The following SCHIP1 variants were observed in gnomAD, a reference collection of about 807,000 sequenced individuals.
SCHIP1 encodes the protein schwannomin-interacting protein 1.
SCHIP1 carries 8 observed loss-of-function variants against 29.7 expected under a neutral mutation model. The observed-to-expected ratio is 0.27, with a 90% confidence interval of 0.16 to 0.49. The LOEUF is 0.49. SCHIP1 is among the 20% of genes least tolerant of loss of function. The pLI is 0.99. For synonymous variants in SCHIP1, 76 were observed against 94.9 expected, an observed-to-expected ratio of 0.80 and a Z score of 1.16; for missense variants, 193 against 294.6, an observed-to-expected ratio of 0.66 and a Z score of 2.52.
the SCHIP1 span, among the ~76,000 whole-genome samples, chr3:159,594,453 C>T: frequency 6.6e-6 from 1 of 152,124 alleles, no homozygotes; most frequent in Non-Finnish European, 1.5e-5. Context: ...GGACTCAGTC[C>T]ATTCCAGGTA....
chr3:159,334,507 AACC>A, the SCHIP1 span, among the ~76,000 whole-genome samples: 3 of 152,184 alleles, frequency 2.0e-5, no homozygotes, highest in Admixed American at 6.6e-5. Context: ...AGATTCAGGT[AACC>A]ACCACCACAA....
the SCHIP1 span, among the ~76,000 whole-genome samples, chr3:159,394,663 G>A: frequency 6.6e-6 from 1 of 152,082 alleles, no homozygotes; most frequent in Non-Finnish European, 1.5e-5. Context: ...CAGGGATGAA[G>A]CCCACTTGAT....
chr3:159,656,956 A>G, the SCHIP1 span, among the ~76,000 whole-genome samples: 1 of 151,884 alleles, frequency 6.6e-6, no homozygotes, highest in African/African-American at 2.4e-5. Context: ...CCCTCAAGTG[A>G]CATCCAGGGG....
At chr3:159,283,513 CTTT>C in the SCHIP1 span, among the ~76,000 whole-genome samples, 1 of 145,448 alleles carries the variant, frequency 6.9e-6, no homozygotes, top group Non-Finnish European at 1.5e-5. Flanking sequence ...GGATTATTTC[CTTT>C]TTTTTTTTTT....
the SCHIP1 span, among the ~76,000 whole-genome samples, chr3:159,457,157 G>A: frequency 6.6e-6 from 1 of 152,102 alleles, no homozygotes; most frequent in Non-Finnish European, 1.5e-5. Context: ...AATTCTGGAT[G>A]TGTTTACTGA....
chr3:159,313,097 A>G, the SCHIP1 span, among the ~76,000 whole-genome samples: 12 of 152,360 alleles, frequency 7.9e-5, no homozygotes, highest in African/African-American at 9.6e-5. Context: ...CTATGAAGCT[A>G]CTTAGTAAAA....
the SCHIP1 span, among the ~76,000 whole-genome samples, chr3:159,407,419 G>C: frequency 6.6e-6 from 1 of 152,058 alleles, no homozygotes; most frequent in Non-Finnish European, 1.5e-5. Flanking sequence ...GAGAGAGATG[G>C]GCCCCAGTAC....
chr3:159,857,456 C>A (rs1012212025), intron 1 of SCHIP1, among the ~76,000 whole-genome samples: 1 of 152,126 alleles, frequency 6.6e-6, no homozygotes, highest in Non-Finnish European at 1.5e-5. Context: ...ATATAATTCA[C>A]ATACATAAAA....
chr3:159,652,831 C>T, the SCHIP1 span, among the ~76,000 whole-genome samples: 7 of 152,138 alleles, frequency 4.6e-5, no homozygotes, highest in Non-Finnish European at 7.4e-5. Flanking sequence ...AAATTATTCT[C>T]ACTTCTTTAA....
At chr3:159,756,826 T>C in the SCHIP1 span, among the ~76,000 whole-genome samples, 2,141 of 152,242 alleles carry the variant, frequency 0.014, 21 homozygotes, top group Non-Finnish European at 0.023. Context: ...GTTCCACAGA[T>C]CTCTAGGGCA....
the SCHIP1 span, among the ~76,000 whole-genome samples, chr3:159,533,436 CCT>C: frequency 6.6e-6 from 1 of 152,054 alleles, no homozygotes; most frequent in Non-Finnish European, 1.5e-5. Context: ...GAAGGTGTTG[CCT>C]CTGAGTTTTA....
the SCHIP1 span, among the ~76,000 whole-genome samples, chr3:159,489,980 G>A: frequency 6.6e-6 from 1 of 152,090 alleles, no homozygotes; most frequent in East Asian, 1.9e-4. Flanking sequence ...GGAGAGAAGA[G>A]GGGCTGAGTA....
upstream of SCHIP1, among the ~76,000 whole-genome samples, chr3:159,835,933 G>A (rs1255013091): frequency 6.6e-6 from 1 of 152,156 alleles, no homozygotes; most frequent in Non-Finnish European, 1.5e-5. Context: ...AGACACAATA[G>A]TTTGTAGGTG....
the SCHIP1 span, among the ~76,000 whole-genome samples, chr3:159,826,837 A>G: frequency 2.6e-5 from 4 of 152,236 alleles, no homozygotes; most frequent in Non-Finnish European, 4.4e-5. Context: ...GCTATTCACC[A>G]GGGAAAACTG....
the SCHIP1 span, among the ~76,000 whole-genome samples, chr3:159,560,146 G>T: frequency 1.3e-5 from 2 of 152,122 alleles, no homozygotes; most frequent in African/African-American, 4.8e-5. Flanking sequence ...AACAGATTTT[G>T]TTACTACTAA....
At chr3:159,885,841 G>C (rs1716910342) in intron 2 of SCHIP1, among the ~76,000 whole-genome samples, 2 of 152,228 alleles carry the variant, frequency 1.3e-5, no homozygotes. Context: ...GGGTTCTCTA[G>C]ATGACACCAC....
the SCHIP1 span, among the ~76,000 whole-genome samples, chr3:159,299,860 A>G: frequency 6.6e-6 from 1 of 152,122 alleles, no homozygotes; most frequent in African/African-American, 2.4e-5. Flanking sequence ...AGAAGGTTCA[A>G]ACATACACTT....
the SCHIP1 span, among the ~76,000 whole-genome samples, chr3:159,414,759 G>A: frequency 6.6e-6 from 1 of 152,160 alleles, no homozygotes; most frequent in Non-Finnish European, 1.5e-5. Context: ...GGCAGGGATG[G>A]TTTTGGGCTG....
the SCHIP1 span, among the ~76,000 whole-genome samples, chr3:159,786,550 T>G: frequency 2.6e-5 from 4 of 152,216 alleles, no homozygotes; most frequent in Non-Finnish European, 5.9e-5. Flanking sequence ...TTCCTTGAAA[T>G]GTACTGAGAA....
Sources: gnomAD v4.1 joint callset for allele counts (sites outside exome capture counted in the v4.1 genomes callset) on GRCh38, gnomAD v4.1.1 for gene constraint, MANE v1.5 for transcripts, NCBI Gene and HGNC (gene_info 2026-07-23, HGNC 2026-07-21) for gene names.